The following TRHDE variants were observed in gnomAD, a reference collection of about 807,000 sequenced individuals.
TRHDE encodes thyrotropin releasing hormone degrading enzyme.
In TRHDE, 72 loss-of-function variants were observed where a neutral mutation model predicts 125.7. The observed-to-expected ratio is 0.57, with a 90% confidence interval of 0.47 to 0.70. The LOEUF is 0.70. TRHDE is among the 30% of genes least tolerant of loss of function. The pLI is 0.00. For missense variants in TRHDE, 1,110 were observed against 1,327.1 expected, an observed-to-expected ratio of 0.84 and a Z score of 2.54; for synonymous variants, 509 against 509.1, an observed-to-expected ratio of 1.00 and a Z score of 0.00.
intron 3 of TRHDE, among the ~76,000 whole-genome samples, chr12:72,410,893 G>C (rs1873469441): frequency 6.6e-6 from 1 of 151,086 alleles, no homozygotes; most frequent in Non-Finnish European, 1.5e-5. Flanking sequence ...AAAGATTTGA[G>C]ATTAAAAACA....
In TRHDE at chr12:72,363,004, C is replaced by T. The variant is rs568227131; in HGVS notation, c.1189-14991C>T. ...AGTTTGAAGTCAGGTAGCATGATGC[C>T]TCCAGCTTTGTTCTTTTGGCTTAGG... On this transcript the variant is annotated intron_variant, in intron 2 of 18. Coordinates refer to ENST00000261180, the MANE Select transcript of TRHDE (RefSeq NM_013381.3). 6.6e-3 allele frequency among the ~76,000 whole-genome samples: 1,006 copies of T among 152,088 alleles called. 18 individuals carry two copies. The highest frequency in any genetic ancestry group is 0.022 in the African/African-American group (931 of 41,466).
At chr12:72,439,206 T>C (rs1300356307) in intron 3 of TRHDE, among the ~76,000 whole-genome samples, 3 of 152,136 alleles carry the variant, frequency 2.0e-5, no homozygotes, top group Non-Finnish European at 4.4e-5. Flanking sequence ...ACTATAGCTT[T>C]ATAGTATATT....
chr12:72,585,102 C>A (rs1871384937), intron 12 of TRHDE, among the ~76,000 whole-genome samples: 1 of 152,132 alleles, frequency 6.6e-6, no homozygotes. Context: ...CTGTTGGCAA[C>A]CATTTGCTTG....
At chr12:72,530,826 A>G (rs1459206585) in intron 6 of TRHDE, among the ~76,000 whole-genome samples, 1 of 150,752 alleles carries the variant, frequency 6.6e-6, no homozygotes, top group Non-Finnish European at 1.5e-5. Flanking sequence ...TGCTTTATTT[A>G]TTTTCAAAGC....
chr12:72,255,428 A>G (rs1878788612), intron 2 of TRHDE: 1 of 152,300 alleles, frequency 6.6e-6, no homozygotes, highest in South Asian at 2.1e-4. Context: ...AAACAAAACA[A>G]AAGAAGCCTG....
At chr12:72,631,326 G>A (rs1388747857) in intron 15 of TRHDE, among the ~76,000 whole-genome samples, 1 of 151,564 alleles carries the variant, frequency 6.6e-6, no homozygotes, top group African/African-American at 2.4e-5. Flanking sequence ...TGCCTAATTT[G>A]TAACTTTTTC....
intron 7 of TRHDE, 82 bp from the exon 8 acceptor site, chr12:72,562,083 A>C: frequency 3.3e-6 from 2 of 611,674 alleles, no homozygotes; most frequent in Admixed American, 3.0e-5. Context: ...CCAACAAATG[A>C]AAATTATTAA....
intron 15 of TRHDE, among the ~76,000 whole-genome samples, chr12:72,629,089 T>C (rs781631769): frequency 1.3e-5 from 2 of 151,868 alleles, no homozygotes; most frequent in Non-Finnish European, 2.9e-5. Context: ...CTCCAGTGAG[T>C]GCATATTTCT....
At chr12:72,532,348 ATATT>A (rs1382723228) in intron 6 of TRHDE, among the ~76,000 whole-genome samples, 20 of 151,532 alleles carry the variant, frequency 1.3e-4, no homozygotes, top group Admixed American at 4.6e-4. Context: ...TTGCTTCTAT[ATATT>A]CTTTTAGATT....
At chr12:72,655,838 ATTTG>A (rs1205993162) in intron 17 of TRHDE, among the ~76,000 whole-genome samples, 2 of 152,142 alleles carry the variant, frequency 1.3e-5, no homozygotes, top group African/African-American at 4.8e-5. Context: ...TTGAATGCCT[ATTTG>A]TTTGCTTTTA....
At chr12:72,124,225 C>T (rs1371765458) in intron 2 of TRHDE, among the ~76,000 whole-genome samples, 1 of 152,104 alleles carries the variant, frequency 6.6e-6, no homozygotes, top group Non-Finnish European at 1.5e-5. Flanking sequence ...GTAAAAATCC[C>T]TAATGTTCAA....
chr12:72,469,354 A>G (rs1876535051), intron 3 of TRHDE, among the ~76,000 whole-genome samples: 1 of 152,234 alleles, frequency 6.6e-6, no homozygotes, highest in Non-Finnish European at 1.5e-5. Flanking sequence ...TCTCTTATAC[A>G]ATATTGGGGT....
chr12:72,663,020 C>T (rs1874975736), intron 18 of TRHDE, 32 bp from the exon 19 acceptor site: 1 of 1,580,198 alleles, frequency 6.3e-7, no homozygotes, highest in East Asian at 2.3e-5. Context: ...TTAAGACAGG[C>T]AGATTTACCA....
At chr12:72,612,696 G>A (rs550559777) in intron 12 of TRHDE, among the ~76,000 whole-genome samples, 2 of 152,122 alleles carry the variant, frequency 1.3e-5, no homozygotes, top group Non-Finnish European at 2.9e-5. Flanking sequence ...CATCATAACT[G>A]GTATACATTA....
chr12:72,542,524 C>T lies in TRHDE; in HGVS notation c.1788+168C>T, dbSNP rs974961478. 3.3e-5 allele frequency among the ~76,000 whole-genome samples: 5 copies of T among 151,242 alleles called. No individual in the cohort carries two copies. The South Asian group carries it at 6.2e-4, about 19-fold the overall frequency. On this transcript the variant is annotated intron_variant, in intron 7 of 18. Transcript: ENST00000261180. ...ATGAAAATTCTAGATAGGATACTCA[C>T]GATATCAACTGACAAAACTTGAACT...
At chr12:72,125,108 A>C (rs893719331) in intron 2 of TRHDE, among the ~76,000 whole-genome samples, 1 of 152,224 alleles carries the variant, frequency 6.6e-6, no homozygotes, top group African/African-American at 2.4e-5. Flanking sequence ...ACATTTAAAA[A>C]ATAAAATTGA....
chr12:72,632,087 C>T (rs1873521347), intron 15 of TRHDE, among the ~76,000 whole-genome samples: 1 of 151,920 alleles, frequency 6.6e-6, no homozygotes, highest in Non-Finnish European at 1.5e-5. Flanking sequence ...CGAGATGTAG[C>T]CTAATATAAT....
At chr12:72,661,983 T>C in intron 18 of TRHDE, among the ~76,000 whole-genome samples, 1 of 152,180 alleles carries the variant, frequency 6.6e-6, no homozygotes, top group East Asian at 1.9e-4. Flanking sequence ...TATCATGTAA[T>C]CAAAGTAACA....
chr12:72,616,414 A>G (rs962426911), intron 12 of TRHDE, among the ~76,000 whole-genome samples: 7 of 152,092 alleles, frequency 4.6e-5, no homozygotes, highest in Admixed American at 2.6e-4. Flanking sequence ...CTGGACTATA[A>G]TGGGTGTCTG....
Sources: gnomAD v4.1 joint callset for allele counts (sites outside exome capture counted in the v4.1 genomes callset) on GRCh38, gnomAD v4.1.1 for gene constraint, MANE v1.5 for transcripts, NCBI Gene and HGNC (gene_info 2026-07-23, HGNC 2026-07-21) for gene names.